Variants in UTRN observed in about 807,000 individuals in gnomAD.
The protein encoded by UTRN is utrophin.
Under a neutral mutation model 463.9 loss-of-function variants are expected in UTRN, and 283 were observed. That is an observed-to-expected ratio of 0.61 (90% CI 0.55 to 0.67). The LOEUF (loss-of-function observed/expected upper bound fraction) is 0.67. Ranked by LOEUF, UTRN falls within the 30% of genes least tolerant of loss-of-function variation. UTRN has a pLI of 0.00. For synonymous variants in UTRN, 1,442 were observed against 1,431.5 expected, an observed-to-expected ratio of 1.01 and a Z score of -0.17; for missense variants, 3,922 against 4,084.3, an observed-to-expected ratio of 0.96 and a Z score of 1.08.
At chr6:144,817,592 A>G (rs914055159) in intron 65 of UTRN, among the ~76,000 whole-genome samples, 1 of 152,134 alleles carries the variant, frequency 6.6e-6, no homozygotes, top group Admixed American at 6.5e-5. Context: ...CTACTATTAT[A>G]TAATAAAAAT....
intron 53 of UTRN, among the ~76,000 whole-genome samples, chr6:144,726,562 TAA>T (rs1787902544): frequency 1.3e-5 from 2 of 152,200 alleles, no homozygotes; most frequent in African/African-American, 4.8e-5. Flanking sequence ...ATATTTTATC[TAA>T]GAGAGGGACT....
At chr6:144,369,068 G>C (rs1463885436) in intron 2 of UTRN, among the ~76,000 whole-genome samples, 1 of 152,214 alleles carries the variant, frequency 6.6e-6, no homozygotes, top group Non-Finnish European at 1.5e-5. Flanking sequence ...GGAGGTTATA[G>C]AATTTCTGCC....
chr6:144,767,479 A>G (rs1042161540), intron 58 of UTRN, among the ~76,000 whole-genome samples: 4 of 152,162 alleles, frequency 2.6e-5, no homozygotes, highest in Non-Finnish European at 4.4e-5. Context: ...TTAAAATGAG[A>G]CTATCTCTGT....
chr6:144,667,488 G>A (rs989119055), intron 51 of UTRN, among the ~76,000 whole-genome samples: 6 of 152,212 alleles, frequency 3.9e-5, no homozygotes, highest in African/African-American at 7.2e-5. Context: ...ACTTAAACAG[G>A]AAATTTGAAG....
intron 2 of UTRN, among the ~76,000 whole-genome samples, chr6:144,339,867 C>T (rs966597940): frequency 4.6e-5 from 7 of 152,126 alleles, no homozygotes; most frequent in Non-Finnish European, 1.0e-4. Flanking sequence ...GTAGCGTAAT[C>T]ATATAAAGAA....
intron 60 of UTRN, among the ~76,000 whole-genome samples, chr6:144,777,903 G>T (rs1369207300): frequency 2.0e-5 from 3 of 152,172 alleles, no homozygotes; most frequent in Non-Finnish European, 4.4e-5. Context: ...TAGCTATTTT[G>T]TCCAATATCC....
At chr6:144,473,002 C>T (rs1249156260) in intron 23 of UTRN, among the ~76,000 whole-genome samples, 1 of 152,028 alleles carries the variant, frequency 6.6e-6, no homozygotes, top group South Asian at 2.1e-4. Context: ...CTCTTGACCT[C>T]GTGATCCGTA....
At chr6:144,316,562 C>A (rs1192140186) in intron 2 of UTRN, among the ~76,000 whole-genome samples, 2 of 152,190 alleles carry the variant, frequency 1.3e-5, no homozygotes, top group Non-Finnish European at 2.9e-5. Context: ...TATACATTAA[C>A]TTTTAAAATT....
chr6:144,588,457 A>G (rs971947779), intron 51 of UTRN, among the ~76,000 whole-genome samples: 2 of 152,302 alleles, frequency 1.3e-5, no homozygotes, highest in Non-Finnish European at 2.9e-5. Context: ...ATAAGGTAGC[A>G]TTTTAAAATT....
At chr6:144,356,100 C>G (rs1203664434) in intron 2 of UTRN, among the ~76,000 whole-genome samples, 4 of 152,190 alleles carry the variant, frequency 2.6e-5, no homozygotes, top group Admixed American at 6.5e-5. Flanking sequence ...GGGAAGGTTA[C>G]TTTCAAAGGC....
At chr6:144,761,484 A>G (rs980274374) in intron 58 of UTRN, among the ~76,000 whole-genome samples, 1 of 151,896 alleles carries the variant, frequency 6.6e-6, no homozygotes, top group Non-Finnish European at 1.5e-5. Flanking sequence ...ACAAAACCCC[A>G]TCTCTACAAA....
intron 65 of UTRN, among the ~76,000 whole-genome samples, chr6:144,812,366 G>A (rs1474658078): frequency 6.6e-6 from 1 of 152,084 alleles, no homozygotes; most frequent in Non-Finnish European, 1.5e-5. Flanking sequence ...GGGGAAGGGG[G>A]TTAGCTTTTC....
chr6:144,833,314 G>A (rs1388476208), intron 69 of UTRN, among the ~76,000 whole-genome samples: 2 of 152,198 alleles, frequency 1.3e-5, no homozygotes, highest in African/African-American at 4.8e-5. Context: ...GGTTAGGACT[G>A]TAGATATTGC....
At chr6:144,583,705 T>C in intron 51 of UTRN, 1 of 460,960 alleles carries the variant, frequency 2.2e-6, no homozygotes, top group Non-Finnish European at 4.0e-6. Context: ...AAGATTCCCT[T>C]TCTTAGTAAC....
intron 61 of UTRN, among the ~76,000 whole-genome samples, chr6:144,786,207 G>A (rs913184198): frequency 6.6e-6 from 1 of 151,964 alleles, no homozygotes; most frequent in Non-Finnish European, 1.5e-5. Context: ...TTATTGTCTG[G>A]TCCCACGTAA....
chr6:144,466,995 C>A (rs1163265560), intron 23 of UTRN, among the ~76,000 whole-genome samples: 2 of 152,214 alleles, frequency 1.3e-5, no homozygotes, highest in African/African-American at 2.4e-5. Flanking sequence ...TGGAATTCAT[C>A]TTTCACACCA....
chr6:144,347,844 T>A (rs1192996628), intron 2 of UTRN, among the ~76,000 whole-genome samples: 2 of 145,396 alleles, frequency 1.4e-5, no homozygotes, highest in Non-Finnish European at 2.9e-5. Context: ...TTTGTTTTTT[T>A]TTTTTGTTTT....
chr6:144,292,835 A>C (rs1474390379), intron 2 of UTRN, among the ~76,000 whole-genome samples: 1 of 152,206 alleles, frequency 6.6e-6, no homozygotes, highest in Non-Finnish European at 1.5e-5. Context: ...AACCATCTTT[A>C]TGTTCTGTTA....
intron 51 of UTRN, among the ~76,000 whole-genome samples, chr6:144,601,057 T>C (rs925095817): frequency 8.5e-5 from 13 of 152,212 alleles, no homozygotes; most frequent in Non-Finnish European, 1.8e-4. Flanking sequence ...AAGCTCAATG[T>C]TGAGACCTAC....
Sources: allele counts gnomAD v4.1 joint callset (sites outside exome capture counted in the v4.1 genomes callset), GRCh38; gene constraint gnomAD v4.1.1; transcripts MANE v1.5; gene names NCBI Gene and HGNC (gene_info 2026-07-23, HGNC 2026-07-21).